RPTOR: variants seen among roughly 807,000 people sequenced by gnomAD.
The protein encoded by RPTOR is regulatory-associated protein of mTOR.
RPTOR carries 21 observed loss-of-function variants against 169.9 expected under a neutral mutation model. The ratio of observed to expected loss-of-function variants is 0.12; its 90% CI spans 0.09 to 0.18. RPTOR has a LOEUF of 0.18. Ranked by LOEUF, RPTOR falls within the 10% of genes least tolerant of loss-of-function variation. The pLI is 1.00. For missense variants in RPTOR, 1,133 were observed against 1,855.9 expected (o/e 0.61, Z 7.16); for synonymous variants, 732 against 753.2 (o/e 0.97, Z 0.46).
intron 3 of RPTOR, among the ~76,000 whole-genome samples, chr17:80,644,663 T>C (rs1259941065): frequency 1.3e-5 from 2 of 152,208 alleles, no homozygotes; most frequent in East Asian, 3.8e-4. Flanking sequence ...TTATGGAACC[T>C]TTTGAACACT....
rs532548190 is a variant in RPTOR at position 80,857,571 on chromosome 17, A to G, written c.1399-219A>G. On this transcript the variant is annotated intron_variant, in intron 12 of 33. Coordinates refer to ENST00000306801, the MANE Select transcript of RPTOR (RefSeq NM_020761.3). ...ACCCGATTCATTCCAGTCTCTTGAC[A>G]CCAGTCAAGGCTGGCAGTATGTGGC... Among the ~76,000 whole-genome samples, 3 of 152,364 alleles carry G rather than the reference A, an allele frequency of 2.0e-5. No homozygotes were observed. The South Asian group carries it at 6.2e-4, about 32-fold the overall frequency.
At chr17:80,920,621 G>A (rs1278729204) in intron 21 of RPTOR, among the ~76,000 whole-genome samples, 8 of 152,330 alleles carry the variant, frequency 5.3e-5, no homozygotes, top group South Asian at 4.1e-4. Context: ...GTGGCAAGGC[G>A]GGAGCTGCAC....
At chr17:80,593,774 G>C (rs1938683436) in intron 1 of RPTOR, 1 of 152,136 alleles carries the variant, frequency 6.6e-6, no homozygotes, top group South Asian at 2.1e-4. Context: ...TGGGAAAATA[G>C]TTTCATTTTT....
intron 6 of RPTOR, among the ~76,000 whole-genome samples, chr17:80,773,543 T>G (rs536963704): frequency 6.6e-6 from 1 of 152,348 alleles, no homozygotes; most frequent in East Asian, 1.9e-4. Context: ...GATTTGTGCC[T>G]GTGCTTTGCT....
At chr17:80,694,429 C>T (rs1031881889) in intron 3 of RPTOR, among the ~76,000 whole-genome samples, 1 of 152,364 alleles carries the variant, frequency 6.6e-6, no homozygotes, top group East Asian at 1.9e-4. Context: ...CCTCCACAGT[C>T]GCACAATCTC....
At chr17:80,668,559 G>T (rs1448551350) in intron 3 of RPTOR, among the ~76,000 whole-genome samples, 2 of 152,214 alleles carry the variant, frequency 1.3e-5, no homozygotes, top group African/African-American at 4.8e-5. Flanking sequence ...ACAATGACCA[G>T]TGTCAGAGAA....
In RPTOR at chr17:80,739,211, G is replaced by T. The variant is rs1944460247; in HGVS notation, c.654+8505G>T. Among the ~76,000 whole-genome samples, 3 of 41,184 alleles carry T rather than the reference G, an allele frequency of 7.3e-5. No individual in the cohort carries two copies. In the South Asian group the frequency reaches 1.7e-3, roughly 23 times the overall value. The allele number at this position is 41,184 out of a possible 152,430, so 27.0% of individuals were successfully genotyped here. ...GCGGAGGCAGATGTCTTTCACAAAG[G>T]ATCCTGGTGGCACAGGGCAGTGGAG... On this transcript the variant is annotated intron_variant, in intron 5 of 33. Transcript: ENST00000306801.
chr17:80,738,433 T>A (rs574056570), intron 5 of RPTOR, among the ~76,000 whole-genome samples: 1 of 152,370 alleles, frequency 6.6e-6, no homozygotes, highest in South Asian at 2.1e-4. Flanking sequence ...CTCCGAGTCC[T>A]AGAATTTGGA....
At chr17:80,637,396 C>T (rs1003454615) in intron 2 of RPTOR, among the ~76,000 whole-genome samples, 3 of 152,190 alleles carry the variant, frequency 2.0e-5, no homozygotes, top group Admixed American at 2.0e-4. Context: ...CACACACCTG[C>T]GTTTCCAGCC....
intron 4 of RPTOR, among the ~76,000 whole-genome samples, chr17:80,716,279 A>G (rs1334277151): frequency 6.6e-6 from 1 of 152,176 alleles, no homozygotes; most frequent in Non-Finnish European, 1.5e-5. Flanking sequence ...GTAAGGTGGT[A>G]TCTATTGCAT....
At chr17:80,720,971 G>A (rs2066280868) in intron 4 of RPTOR, among the ~76,000 whole-genome samples, 1 of 151,098 alleles carries the variant, frequency 6.6e-6, no homozygotes, top group African/African-American at 2.5e-5. Context: ...TACGTGTCGG[G>A]AGAGACACTT....
chr17:80,787,631 T>C (rs2067006848), intron 6 of RPTOR, among the ~76,000 whole-genome samples: 1 of 152,204 alleles, frequency 6.6e-6, no homozygotes, highest in Admixed American at 6.5e-5. Flanking sequence ...TTTACACTCC[T>C]ACAGTGGTGA....
rs186365742 is a variant in RPTOR, at chr17:80,765,385, C to T, written c.830+11200C>T. Among the ~76,000 whole-genome samples, 17 of 152,316 alleles carry T rather than the reference C, an allele frequency of 1.1e-4. No individual in the cohort carries two copies. In the East Asian group the frequency reaches 3.3e-3, roughly 29 times the overall value. ...ACCGTCCAGGTCAAAGGCTTCACTT[C>T]TCTCACCTCTGCTGAGCCACTTACG... On this transcript the variant is annotated intron_variant, in intron 6 of 33. Coordinates refer to ENST00000306801, the MANE Select transcript of RPTOR (RefSeq NM_020761.3).
intron 20 of RPTOR, among the ~76,000 whole-genome samples, chr17:80,896,811 C>T (rs1232550875): frequency 6.6e-6 from 1 of 152,238 alleles, no homozygotes; most frequent in Non-Finnish European, 1.5e-5. Context: ...TCTTCCTGCT[C>T]CTGAACAGGG....
At chr17:80,874,204 G>GT (rs2068081187) in intron 13 of RPTOR, among the ~76,000 whole-genome samples, 2 of 140,616 alleles carry the variant, frequency 1.4e-5, no homozygotes, top group African/African-American at 5.4e-5. Context: ...TAACTAAAGG[G>GT]CTTTTTTTTT....
At position 80,883,770 on chromosome 17, in the gene RPTOR, C is replaced by T. The variant is rs773009884; in HGVS notation, c.1651-11C>T. ...GCAGAGGCCAACCTGTCTGTGGTCC[C>T]GCCTCTGCAGGAAGCCTGCCTTCAG... On this transcript the variant is annotated splice_polypyrimidine_tract_variant and intron_variant, in intron 15 of 33. Transcript: ENST00000306801. The T allele has an allele frequency of 1.9e-5, 30 of 1,612,880 alleles. No homozygotes were observed. Among genetic ancestry groups the T allele is most frequent in the Admixed American group, 1.2e-4 (7 of 60,008 alleles).
rs577641510 is a variant in RPTOR at position 80,551,158 on chromosome 17, G to T, written c.162+5367G>T. 7.2e-5 allele frequency among the ~76,000 whole-genome samples: 11 copies of T among 152,278 alleles called. 1 individual carries two copies. The East Asian group carries it at 2.1e-3, about 29-fold the overall frequency. On this transcript the variant is annotated intron_variant, in intron 1 of 33. Coordinates refer to ENST00000306801, the MANE Select transcript of RPTOR (RefSeq NM_020761.3). Reference sequence around the variant, plus strand: ...CCCACCTCAGCCTCCCAGAGTGCTGGATTACAGGCGTGAGCCATCACACCT... The same window carrying T: ...CCCACCTCAGCCTCCCAGAGTGCTGTATTACAGGCGTGAGCCATCACACCT...
At chr17:80,617,617 A>G (rs2065321448) in intron 1 of RPTOR, among the ~76,000 whole-genome samples, 1 of 152,218 alleles carries the variant, frequency 6.6e-6, no homozygotes, top group South Asian at 2.1e-4. Context: ...GCACTGCAGC[A>G]GATCACGTAT....
chr17:80,887,758 G>A (rs1426485219), intron 17 of RPTOR, among the ~76,000 whole-genome samples: 2 of 152,210 alleles, frequency 1.3e-5, no homozygotes, highest in Admixed American at 1.3e-4. Flanking sequence ...TAATAAAAGT[G>A]TCCTCTCCTG....
Sources: allele counts gnomAD v4.1 joint callset (sites outside exome capture counted in the v4.1 genomes callset), GRCh38; gene constraint gnomAD v4.1.1; transcripts MANE v1.5; gene names NCBI Gene and HGNC (gene_info 2026-07-23, HGNC 2026-07-21).